Variants in STXBP6 observed in about 807,000 individuals in gnomAD.
STXBP6 encodes the protein syntaxin-binding protein 6.
Under a neutral mutation model 26.9 loss-of-function variants are expected in STXBP6, and 21 were observed. That is an observed-to-expected ratio of 0.78 (90% CI 0.55 to 1.12). The LOEUF (loss-of-function observed/expected upper bound fraction) is 1.12. STXBP6 is among the 50% of genes most tolerant of loss of function. The pLI is 0.00. For missense variants in STXBP6, 232 were observed against 257.9 expected (o/e 0.90, Z 0.69); for synonymous variants, 97 against 92.6 (o/e 1.05, Z -0.27).
chr14:24,875,742 T>C (rs756327106), intron 2 of STXBP6, among the ~76,000 whole-genome samples: 6 of 152,176 alleles, frequency 3.9e-5, no homozygotes, highest in Non-Finnish European at 2.9e-5. Flanking sequence ...TGGAAAAATC[T>C]GAAGGCACAA....
chr14:25,000,281 T>C (rs903401997), intron 1 of STXBP6, among the ~76,000 whole-genome samples: 1 of 151,882 alleles, frequency 6.6e-6, no homozygotes, highest in African/African-American at 2.4e-5. Flanking sequence ...GCCAGGATGG[T>C]CTCGATCTCC....
intron 2 of STXBP6, among the ~76,000 whole-genome samples, chr14:24,890,995 T>C (rs1221983112): frequency 2.6e-5 from 4 of 152,260 alleles, no homozygotes; most frequent in Non-Finnish European, 4.4e-5. Flanking sequence ...ATCTGGGCTC[T>C]ATTTTGACCT....
intron 2 of STXBP6, among the ~76,000 whole-genome samples, chr14:24,886,923 A>AT (rs2070609955): frequency 6.6e-6 from 1 of 152,178 alleles, no homozygotes; most frequent in African/African-American, 2.4e-5. Flanking sequence ...GTATTGAGCT[A>AT]TGCCTTCTAC....
intron 2 of STXBP6, among the ~76,000 whole-genome samples, chr14:24,930,849 C>G (rs980502341): frequency 6.6e-6 from 1 of 151,818 alleles, no homozygotes; most frequent in African/African-American, 2.4e-5. Context: ...CGGTGGCTCA[C>G]GCCTGTAATC....
intron 2 of STXBP6, among the ~76,000 whole-genome samples, chr14:24,927,629 CT>C (rs925430360): frequency 3.9e-5 from 6 of 152,182 alleles, no homozygotes; most frequent in Admixed American, 3.9e-4. Context: ...CTGACGTTGT[CT>C]TTTTCTCTGC....
chr14:24,976,608 T>G (rs545205296), intron 1 of STXBP6, among the ~76,000 whole-genome samples: 3 of 152,296 alleles, frequency 2.0e-5, no homozygotes, highest in Admixed American at 6.5e-5. Flanking sequence ...TTCCTACAAG[T>G]TGGCAACAGA....
At chr14:25,035,646 C>T (rs1181203202) in intron 1 of STXBP6, among the ~76,000 whole-genome samples, 2 of 152,238 alleles carry the variant, frequency 1.3e-5, no homozygotes, top group East Asian at 1.9e-4. Context: ...AATATCTTAC[C>T]AGAGGAAGTT....
chr14:25,008,079 T>C (rs192498723), intron 1 of STXBP6, among the ~76,000 whole-genome samples: 6 of 152,372 alleles, frequency 3.9e-5, no homozygotes, highest in Admixed American at 2.6e-4. Flanking sequence ...GAAATGAGGA[T>C]AGGAAATTCC....
At chr14:24,892,847 GGA>G (rs1335382784) in intron 2 of STXBP6, among the ~76,000 whole-genome samples, 2 of 152,160 alleles carry the variant, frequency 1.3e-5, no homozygotes, top group Admixed American at 6.5e-5. Flanking sequence ...GGCAGAAATG[GGA>G]GAGAGCCGAG....
chr14:24,846,956 C>A (rs1459799632), intron 4 of STXBP6, among the ~76,000 whole-genome samples: 2 of 152,110 alleles, frequency 1.3e-5, no homozygotes, highest in Non-Finnish European at 2.9e-5. Context: ...ATCTCATATT[C>A]CTGTATAGTT....
chr14:24,842,479 C>T (rs2068813577), intron 4 of STXBP6, among the ~76,000 whole-genome samples: 3 of 152,114 alleles, frequency 2.0e-5, no homozygotes, highest in Admixed American at 2.0e-4. Context: ...CTGAAAATGG[C>T]TATTTCTTTT....
At chr14:24,890,129 G>A (rs904227019) in intron 2 of STXBP6, among the ~76,000 whole-genome samples, 3 of 152,268 alleles carry the variant, frequency 2.0e-5, no homozygotes, top group Non-Finnish European at 4.4e-5. Flanking sequence ...CAAGCAGTCT[G>A]CTTCTTGACC....
intron 1 of STXBP6, among the ~76,000 whole-genome samples, chr14:25,028,781 C>T (rs1483651351): frequency 6.6e-6 from 1 of 152,100 alleles, no homozygotes; most frequent in African/African-American, 2.4e-5. Context: ...ATTCTAGATG[C>T]CTTTACAAAT....
intron 2 of STXBP6, among the ~76,000 whole-genome samples, chr14:24,885,683 T>C (rs2070556212): frequency 6.6e-6 from 1 of 152,254 alleles, no homozygotes; most frequent in African/African-American, 2.4e-5. Context: ...GTTTGCCTTC[T>C]CCCTGAAATC....
At position 24,896,841 on chromosome 14, in the gene STXBP6, C is replaced by T. The variant is rs139799754; in HGVS notation, c.155-39684G>A. Among the ~76,000 whole-genome samples, 10 of 152,128 alleles carry T rather than the reference C, an allele frequency of 6.6e-5. No individual in the cohort carries two copies. The East Asian group carries it at 7.7e-4, about 12-fold the overall frequency. On this transcript the variant is annotated intron_variant, in intron 2 of 5. Coordinates refer to ENST00000323944, the MANE Select transcript of STXBP6 (RefSeq NM_001394410.1). ...AGGAAACCAGATGAACAAAAGCATC[C>T]GGAGTAAGCATGTCTGGGGTATGTC...
intron 4 of STXBP6, among the ~76,000 whole-genome samples, chr14:24,853,254 C>T (rs1209264837): frequency 6.6e-6 from 1 of 151,996 alleles, no homozygotes; most frequent in Non-Finnish European, 1.5e-5. Flanking sequence ...AATGTAGTGG[C>T]CCCAGAAGCA....
At chr14:25,044,642 A>G (rs796273143) in intron 1 of STXBP6, among the ~76,000 whole-genome samples, 50 of 152,282 alleles carry the variant, frequency 3.3e-4, no homozygotes, top group African/African-American at 1.2e-3. Flanking sequence ...TTGGGACAGG[A>G]TATTACTCTG....
intron 2 of STXBP6, among the ~76,000 whole-genome samples, chr14:24,897,467 C>T (rs941606331): frequency 6.7e-6 from 1 of 150,296 alleles, no homozygotes; most frequent in African/African-American, 2.4e-5. Context: ...TATACATCTC[C>T]TTTGTTGGCA....
At chr14:24,914,808 T>C (rs1463115389) in intron 2 of STXBP6, among the ~76,000 whole-genome samples, 2 of 152,234 alleles carry the variant, frequency 1.3e-5, no homozygotes, top group Admixed American at 6.5e-5. Flanking sequence ...ATTTATGAGC[T>C]TGCTTGATAG....
Sources: allele counts gnomAD v4.1 joint callset (sites outside exome capture counted in the v4.1 genomes callset), GRCh38; gene constraint gnomAD v4.1.1; transcripts MANE v1.5; gene names NCBI Gene and HGNC (gene_info 2026-07-23, HGNC 2026-07-21).